Variants in ZNF778 observed in about 807,000 individuals in gnomAD.
ZNF778 encodes the protein zinc finger protein 778.
A neutral mutation model predicts 23.9 loss-of-function variants in ZNF778; 37 were observed. The observed-to-expected ratio is 1.54, with a 90% CI of 1.19 to 2.03. The LOEUF is 2.03. Among genes scored for constraint, ZNF778 ranks in the 30% most tolerant of loss-of-function variants. The pLI, the probability that ZNF778 is intolerant of heterozygous loss-of-function variation, is 0.00. For missense variants in ZNF778, 1,297 were observed against 934.4 expected (o/e 1.39, Z -5.06); for synonymous variants, 483 against 343.9 (o/e 1.40, Z -4.48).
chr16:89,218,953 C>G (rs1317634698), intron 1 of ZNF778, among the ~76,000 whole-genome samples: 1 of 151,438 alleles, frequency 6.6e-6, no homozygotes, highest in African/African-American at 2.4e-5. Context: ...ACTAAAAGTA[C>G]AAAATTAGCC....
At chr16:89,219,474 T>C (rs1043168558) in intron 1 of ZNF778, among the ~76,000 whole-genome samples, 4 of 152,220 alleles carry the variant, frequency 2.6e-5, no homozygotes, top group African/African-American at 9.6e-5. Context: ...TCACCTCATG[T>C]CCCATGTTAG....
At chr16:89,225,849 G>A (rs1395327863) in intron 6 of ZNF778, among the ~76,000 whole-genome samples, 3 of 151,858 alleles carry the variant, frequency 2.0e-5, no homozygotes, top group Non-Finnish European at 4.4e-5. Context: ...ACATGACGAG[G>A]TCTTGAGATC....
Position 89,228,125 on chromosome 16 carries a change from G to T in ZNF778, c.1837G>T (p.Gly613Ter). 6.8e-6 allele frequency: 11 copies of T among 1,613,114 alleles called. No homozygotes were observed. The highest frequency in any genetic ancestry group is 9.3e-6 in the Non-Finnish European group (11 of 1,179,284). The stretch of plus-strand genomic sequence containing the variant: ...AACCGAGCACATACGAACTCACACT[G>T]GAGAGAAACCTTATGAATGTAAAGT... ...SLTEHIRTHT[G>*]EKPYECKVCG... Residue 613 changes from glycine to a stop codon, truncating the protein, a stop_gained, in exon 7 of 7, where the codon GGA (glycine) becomes TGA (stop). Transcript: ENST00000433976. LOFTEE classifies it low-confidence loss of function (END_TRUNC).
In ZNF778 at chr16:89,232,695, G is replaced by A; in HGVS notation, c.*4133G>A. On this transcript the variant is annotated 3_prime_UTR_variant, in exon 7 of 7. Coordinates refer to ENST00000433976, the MANE Select transcript of ZNF778 (RefSeq NM_001201407.2). Reference sequence around the variant, plus strand: ...TTCATCCTGGGGTCTTGCTGTGGGGGCTAGACCGTCCCTCTCAGGCTAGAT... The same window carrying A: ...TTCATCCTGGGGTCTTGCTGTGGGGACTAGACCGTCCCTCTCAGGCTAGAT... The A allele has an allele frequency of 4.0e-6, 5 of 1,261,742 alleles. No individual in the cohort carries two copies. Among genetic ancestry groups the A allele is most frequent in the Non-Finnish European group, 4.1e-6 (4 of 972,048 alleles). The allele number at this position is 1,261,742 out of a possible 1,614,324, so 78.2% of individuals were successfully genotyped here.
rs968001478 is a variant in ZNF778 at position 89,221,822 on chromosome 16, G to C, written c.26-270G>C. On this transcript the variant is annotated intron_variant, in intron 2 of 6. Transcript: ENST00000433976. ...TGTGTTCCTCAGGCAGTGTATGGCTGTGTGTGTGTGTGTTTTCTTGAGGAA... is the reference window on the plus strand; with the variant it reads ...TGTGTTCCTCAGGCAGTGTATGGCTCTGTGTGTGTGTGTTTTCTTGAGGAA... Among the ~76,000 whole-genome samples the C allele has an allele frequency of 6.0e-5, 9 of 150,000 alleles. No homozygotes were observed. In the South Asian group the frequency reaches 1.9e-3, roughly 31 times the overall value.
rs1555517594 is a variant in ZNF778, at chr16:89,233,709, T to TCG, written c.*5148_*5149insGC. 130 of 1,237,436 alleles carry TCG rather than the reference T, an allele frequency of 1.1e-4. 2 individuals are homozygous for TCG. The South Asian group carries it at 1.4e-3, about 14-fold the overall frequency. The allele number at this position is 1,237,436 out of a possible 1,614,324, so 76.7% of individuals were successfully genotyped here. A position where few individuals can be genotyped will look rare whatever the true frequency, so the allele number is the denominator to read the frequency against. On this transcript the variant is annotated 3_prime_UTR_variant, in exon 7 of 7. Coordinates refer to ENST00000433976, the MANE Select transcript of ZNF778 (RefSeq NM_001201407.2). Reference sequence around the variant, plus strand: ...CAACTTACTGCATATGCAACTCAACTCACTGCGTATGCAACTCAACTCGCA... The same window carrying TCG: ...CAACTTACTGCATATGCAACTCAACTCGCACTGCGTATGCAACTCAACTCGCA...
Position 89,228,528 on chromosome 16 carries a change from A to C in ZNF778, c.2240A>C (p.His747Pro). The change falls in exon 7 of 7, where the codon CAC (histidine) becomes CCC (proline). Residue 747 changes from histidine (H) to proline (P), a missense_variant. By Grantham distance (77) the His-to-Pro change is moderately conservative (BLOSUM62 -2). Coordinates refer to ENST00000433976, the MANE Select transcript of ZNF778 (RefSeq NM_001201407.2). Reference protein sequence around the residue: ...SFKNSSCLNHHTQIHTDEKPF With the variant: ...SFKNSSCLNHPTQIHTDEKPF ...AAGAATTCCTCATGCCTTAACCATC[A>C]CACTCAAATTCACACTGATGAGAAA... The C allele has an allele frequency of 6.3e-7, 1 of 1,599,594 alleles. No homozygotes were observed. Among genetic ancestry groups the C allele is most frequent in the Non-Finnish European group, 8.5e-7 (1 of 1,174,732 alleles).
intron 6 of ZNF778, 25 bp downstream of exon 6, chr16:89,225,656 T>C (rs757100181): frequency 3.1e-6 from 5 of 1,587,386 alleles, no homozygotes; most frequent in Non-Finnish European, 8.6e-7. Flanking sequence ...AGAGATTTTT[T>C]TATTTATCAC....
In ZNF778 at chr16:89,234,118, T is replaced by C. The variant is rs1447928053; in HGVS notation, c.*5556T>C. On this transcript the variant is annotated 3_prime_UTR_variant, in exon 7 of 7. Coordinates refer to ENST00000433976, the MANE Select transcript of ZNF778 (RefSeq NM_001201407.2). ...GTGATGTGCCGCCTTCTCTTGACAC[T>C]GTGAGTGATAAACTTTCCATGTCAG... The C allele has an allele frequency of 4.1e-6, 2 of 491,900 alleles. No homozygotes were observed. Among genetic ancestry groups the C allele is most frequent in the South Asian group, 1.6e-5 (1 of 64,328 alleles). The allele number at this position is 491,900 out of a possible 1,614,324, so 30.5% of individuals were successfully genotyped here.
At chr16:89,223,876 A>G (rs1054466934) in intron 4 of ZNF778, among the ~76,000 whole-genome samples, 6 of 146,396 alleles carry the variant, frequency 4.1e-5, no homozygotes, top group African/African-American at 1.2e-4. Context: ...TCCATCTCAA[A>G]AAAAAAACAA....
chr16:89,223,745 T>C (rs2031190825), intron 4 of ZNF778, among the ~76,000 whole-genome samples: 2 of 152,172 alleles, frequency 1.3e-5, no homozygotes, highest in African/African-American at 4.8e-5. Context: ...ACCAGTTTCT[T>C]TGGGGCGCAG....
chr16:89,234,076 C>A lies in ZNF778; in HGVS notation c.*5514C>A. The A allele has an allele frequency of 1.3e-5, 8 of 638,232 alleles. No individual in the cohort carries two copies. Among genetic ancestry groups the A allele is most frequent in the Non-Finnish European group, 2.0e-5 (8 of 393,498 alleles). The allele number at this position is 638,232 out of a possible 1,614,324, so 39.5% of individuals were successfully genotyped here. ...CCTCCTGCCCAGCTCTGCAGCTCCCCTTGGGCCCTGCCTGGAGTGATGTGC... is the reference window on the plus strand; with the variant it reads ...CCTCCTGCCCAGCTCTGCAGCTCCCATTGGGCCCTGCCTGGAGTGATGTGC... On this transcript the variant is annotated 3_prime_UTR_variant, in exon 7 of 7. Coordinates refer to ENST00000433976, the MANE Select transcript of ZNF778 (RefSeq NM_001201407.2).
rs2031923855 is a variant in ZNF778, at chr16:89,231,500, A to T, written c.*2938A>T. The stretch of plus-strand genomic sequence containing the variant: ...CCCTCCGACGACTCCCCCTCCCTTC[A>T]CTGGAGGTGACTTCACGCACTTCTT... On this transcript the variant is annotated 3_prime_UTR_variant, in exon 7 of 7. Coordinates refer to ENST00000433976, the MANE Select transcript of ZNF778 (RefSeq NM_001201407.2). 1 of 151,938 alleles carries T rather than the reference A, an allele frequency of 6.6e-6. No individual in the cohort carries two copies. Among genetic ancestry groups the T allele is most frequent in the Non-Finnish European group, 1.5e-5 (1 of 68,000 alleles). The allele number at this position is 151,938 out of a possible 1,614,324, so 9.4% of individuals were successfully genotyped here.
Position 89,229,206 on chromosome 16 carries a change from C to T in ZNF778, c.*644C>T, listed in dbSNP as rs2031765173. 1.0e-6 allele frequency: 1 copy of T among 985,790 alleles called. No individual in the cohort carries two copies. Among genetic ancestry groups the T allele is most frequent in the Non-Finnish European group, 1.2e-6 (1 of 830,194 alleles). The allele number at this position is 985,790 out of a possible 1,614,324, so 61.1% of individuals were successfully genotyped here. A position where few individuals can be genotyped will look rare whatever the true frequency, so the allele number is the denominator to read the frequency against. On this transcript the variant is annotated 3_prime_UTR_variant, in exon 7 of 7. Transcript: ENST00000433976. ...GGACTCAGATGTGATCCTGTGTGAGCAGTGTAGGCTCTGGTTGGTTAGTCT... is the reference window on the plus strand; with the variant it reads ...GGACTCAGATGTGATCCTGTGTGAGTAGTGTAGGCTCTGGTTGGTTAGTCT...
intron 4 of ZNF778, 37 bp downstream of exon 4, chr16:89,223,320 C>T (rs1305283473): frequency 6.2e-7 from 1 of 1,612,324 alleles, no homozygotes; most frequent in East Asian, 2.2e-5. Context: ...TTCTGTGGAA[C>T]CAATACTTGA....
intron 5 of ZNF778, 55 bp from the exon 6 acceptor site, chr16:89,225,500 G>A (rs2031393901): frequency 7.2e-7 from 1 of 1,397,540 alleles, no homozygotes; most frequent in Non-Finnish European, 9.9e-7. Flanking sequence ...TGTCTTATAT[G>A]AAAACAAATA....
intron 2 of ZNF778, 95 bp downstream of exon 2, chr16:89,221,247 G>C: frequency 7.1e-7 from 1 of 1,404,008 alleles, no homozygotes; most frequent in Non-Finnish European, 9.7e-7. Context: ...GAGTAGTCAC[G>C]CTCCGGGTTC....
In ZNF778 at chr16:89,228,218, C is replaced by G; in HGVS notation, c.1930C>G (p.Pro644Ala). 2 of 1,613,450 alleles carry G rather than the reference C, an allele frequency of 1.2e-6. No homozygotes were observed. Among genetic ancestry groups the G allele is most frequent in the Non-Finnish European group, 1.7e-6 (2 of 1,179,596 alleles). Residue 644 changes from proline (P) to alanine (A), a missense_variant, in exon 7 of 7, where the codon CCC becomes GCC. Pro to Ala is a conservative substitution (Grantham distance 27). Transcript: ENST00000433976. Reference protein sequence around the residue: ...VHIRTHTGEKPYICKECGKAF... With the variant: ...VHIRTHTGEKAYICKECGKAF... ...CATAAGAACCCACACCGGTGAGAAA[C>G]CCTACATATGTAAGGAGTGTGGGAA...
In ZNF778 at chr16:89,230,889, A is replaced by G. The variant is rs1452734741; in HGVS notation, c.*2327A>G. The G allele has an allele frequency of 6.6e-6, 1 of 152,048 alleles. No homozygotes were observed. Among genetic ancestry groups the G allele is most frequent in the African/African-American group, 2.4e-5 (1 of 41,372 alleles). The allele number at this position is 152,048 out of a possible 1,614,324, so 9.4% of individuals were successfully genotyped here. A position where few individuals can be genotyped will look rare whatever the true frequency, so the allele number is the denominator to read the frequency against. ...TGGATGGACAGACCCGTCCACCTTCATGTCACGTGTTTGAAATTCTGGATG... is the reference window on the plus strand; with the variant it reads ...TGGATGGACAGACCCGTCCACCTTCGTGTCACGTGTTTGAAATTCTGGATG... On this transcript the variant is annotated 3_prime_UTR_variant, in exon 7 of 7. Transcript: ENST00000433976.
Sources: gnomAD v4.1 joint callset for allele counts (sites outside exome capture counted in the v4.1 genomes callset) on GRCh38, gnomAD v4.1.1 for gene constraint, MANE v1.5 for transcripts, NCBI Gene and HGNC (gene_info 2026-07-23, HGNC 2026-07-21) for gene names.